The following NCDN variants were observed in gnomAD, a reference collection of about 807,000 sequenced individuals.
NCDN encodes the protein neurochondrin.
In NCDN, 9 loss-of-function variants were observed where a neutral mutation model predicts 60.7. That is an observed-to-expected ratio of 0.15 (90% CI 0.09 to 0.26). The LOEUF (loss-of-function observed/expected upper bound fraction) is 0.26. Among genes scored for constraint, NCDN ranks in the 10% least tolerant of loss-of-function variants. The pLI is 1.00. For missense variants in NCDN, 578 were observed against 975.2 expected, an observed-to-expected ratio of 0.59 and a Z score of 5.42; for synonymous variants, 409 against 442.5, an observed-to-expected ratio of 0.92 and a Z score of 0.95.
Position 35,560,944 on chromosome 1 carries a change from C to A in NCDN, c.793C>A (p.Leu265Met). Residue 265 changes from leucine to methionine, a missense_variant, in exon 3 of 7, where the codon CTG becomes ATG. Leu to Met is a conservative substitution (Grantham distance 15). This residue lies in a region of NCDN where 363 missense variants were observed against 583.6 expected (regional missense o/e 0.62). Transcript: ENST00000373243. This position sits in a 1 kb window ranked among gnomAD's most constrained non-coding sequence, Gnocchi z 7.6. ...PECYRDLQAGLARILGSKLSS... is the reference protein window; with the variant it reads ...PECYRDLQAGMARILGSKLSS... ...ATGCTACCGGGATCTGCAGGCCGGG[C>A]TGGCACGCATCCTGGGAAGCAAGCT... The A allele has an allele frequency of 6.2e-7, 1 of 1,613,078 alleles. No homozygotes were observed. Among genetic ancestry groups the A allele is most frequent in the Non-Finnish European group, 8.5e-7 (1 of 1,179,230 alleles).
At position 35,560,991 on chromosome 1, in the gene NCDN, T is replaced by C; in HGVS notation, c.840T>C (p.Pro280=). The C allele has an allele frequency of 1.2e-6, 2 of 1,612,700 alleles. No homozygotes were observed. Among genetic ancestry groups the C allele is most frequent in the Non-Finnish European group, 8.5e-7 (1 of 1,179,240 alleles). ...GSKLSSWQRN[P]ALKLAARLAH... ...AGCTGAGCTCCTGGCAGCGCAACCC[T>C]GCACTGAAGCTGGCAGCCCGCCTGG... The change falls in exon 3 of 7, where the codon CCT becomes CCC. Residue 280 remains proline, a synonymous_variant. Coordinates refer to ENST00000373243, the MANE Select transcript of NCDN (RefSeq NM_014284.3). The surrounding 1 kb of genome is among the most constrained non-coding windows in gnomAD (Gnocchi z 7.6).
rs778101207 is a variant in NCDN at position 35,561,331 on chromosome 1, G to C, written c.1143+37G>C. ...GTGACCCACAGAGGGGGCCCAGTAT[G>C]GGGGGAGCCAGTGCTGGAGCTGGGA... On this transcript the variant is annotated intron_variant, in intron 3 of 6. Transcript: ENST00000373243. This position sits in a 1 kb window ranked among gnomAD's most constrained non-coding sequence, Gnocchi z 4.9. The C allele has an allele frequency of 1.6e-5, 25 of 1,536,914 alleles. No individual in the cohort carries two copies. The highest frequency in any genetic ancestry group is 3.8e-5 in the Admixed American group (2 of 52,374).
In NCDN at chr1:35,565,916, G is replaced by A. The variant is rs1648859463; in HGVS notation, c.*253G>A. 1.0e-5 allele frequency: 5 copies of A among 501,668 alleles called. No homozygotes were observed. The South Asian group carries it at 1.2e-4, about 12-fold the overall frequency. The allele number at this position is 501,668 out of a possible 1,614,324, so 31.1% of individuals were successfully genotyped here. On this transcript the variant is annotated 3_prime_UTR_variant, in exon 7 of 7. Coordinates refer to ENST00000373243, the MANE Select transcript of NCDN (RefSeq NM_014284.3). The surrounding 1 kb of genome is among the most constrained non-coding windows in gnomAD (Gnocchi z 8.9). ...ACGTGGTTGTCCCCGCCAGGCCGGG[G>A]AAGGTTGGAGCAGCCCCCAGGGAGG...
At position 35,563,085 on chromosome 1, in the gene NCDN, G is replaced by A. The variant is rs1038626961; in HGVS notation, c.1386-117G>A. ...CTTGTACTTTTTCTGTGGTACCTGC[G>A]AGGATGTGTCCTTCTCCCCTACTTC... is the stretch of plus-strand genomic sequence containing the variant. On this transcript the variant is annotated intron_variant, in intron 4 of 6. Coordinates refer to ENST00000373243, the MANE Select transcript of NCDN (RefSeq NM_014284.3). This position sits in a 1 kb window ranked among gnomAD's most constrained non-coding sequence, Gnocchi z 6.6. 9.3e-6 allele frequency: 9 copies of A among 965,522 alleles called. No individual in the cohort carries two copies. Among genetic ancestry groups the A allele is most frequent in the African/African-American group, 3.3e-5 (2 of 60,620 alleles). 59.8% of individuals were successfully genotyped at this position (965,522 alleles called of 1,614,324 possible).
Position 35,562,488 on chromosome 1 carries a change from G to A in NCDN, c.1240G>A (p.Val414Met), listed in dbSNP as rs771157715. Reference sequence around the variant, plus strand: ...GGAGACCTCATCCTTGCGTAAGGAGGTGTGCCAGCTGCTGCCCTTCCTCGT... The same window carrying A: ...GGAGACCTCATCCTTGCGTAAGGAGATGTGCCAGCTGCTGCCCTTCCTCGT... ...AEETSSLRKEVCQLLPFLVRY... is the reference protein window; with the variant it reads ...AEETSSLRKEMCQLLPFLVRY... The change falls in exon 4 of 7, where the codon GTG becomes ATG. Residue 414 changes from valine (V) to methionine (M), a missense_variant. By Grantham distance (21) the Val-to-Met change is conservative. This residue lies in a region of NCDN where 363 missense variants were observed against 583.6 expected (regional missense o/e 0.62). Transcript: ENST00000373243. The surrounding 1 kb of genome is among the most constrained non-coding windows in gnomAD (Gnocchi z 6.8). The A allele has an allele frequency of 1.2e-6, 2 of 1,614,174 alleles. No individual in the cohort carries two copies. Among genetic ancestry groups the A allele is most frequent in the Non-Finnish European group, 1.7e-6 (2 of 1,180,024 alleles).
rs1648884644 is a variant in NCDN at position 35,566,623 on chromosome 1, G to C, written c.*960G>C. ...AGGGACTACCTTTCTTATAAACCCA[G>C]GGGGACCACACACACACACACACAC... On this transcript the variant is annotated 3_prime_UTR_variant, in exon 7 of 7. Coordinates refer to ENST00000373243, the MANE Select transcript of NCDN (RefSeq NM_014284.3). The surrounding 1 kb of genome is among the most constrained non-coding windows in gnomAD (Gnocchi z 5.3). 2 of 355,488 alleles carry C rather than the reference G, an allele frequency of 5.6e-6. No individual in the cohort carries two copies. Among genetic ancestry groups the C allele is most frequent in the Non-Finnish European group, 1.1e-5 (2 of 179,476 alleles). The allele number at this position is 355,488 out of a possible 1,614,324, so 22.0% of individuals were successfully genotyped here.
At position 35,565,359 on chromosome 1, in the gene NCDN, T is replaced by A; in HGVS notation, c.1886T>A (p.Ile629Asn). ...GCCCTGTCCCCTGAGTATGAGGGCATCTGGGCCGACCTGCAGGAGCTCTGG... is the reference window on the plus strand; with the variant it reads ...GCCCTGTCCCCTGAGTATGAGGGCAACTGGGCCGACCTGCAGGAGCTCTGG... ...VLALSPEYEG[I>N]WADLQELWFL... Residue 629 changes from isoleucine to asparagine, a missense_variant, in exon 7 of 7, where the codon ATC becomes AAC. Transcript: ENST00000373243. This position sits in a 1 kb window ranked among gnomAD's most constrained non-coding sequence, Gnocchi z 8.9. 1 of 1,613,714 alleles carries A rather than the reference T, an allele frequency of 6.2e-7. No individual in the cohort carries two copies. Among genetic ancestry groups the A allele is most frequent in the Non-Finnish European group, 8.5e-7 (1 of 1,179,748 alleles).
chr1:35,562,716 G>A lies in NCDN; in HGVS notation c.1385+83G>A. ...AAGGACACCCCTCCCCACAAACTGA[G>A]CTGTGCCAGGCTTCCTGATTGGGCC... On this transcript the variant is annotated intron_variant, in intron 4 of 6. Coordinates refer to ENST00000373243, the MANE Select transcript of NCDN (RefSeq NM_014284.3). The surrounding 1 kb of genome is among the most constrained non-coding windows in gnomAD (Gnocchi z 6.8). 1 of 1,482,464 alleles carries A rather than the reference G, an allele frequency of 6.7e-7. No individual in the cohort carries two copies. Among genetic ancestry groups the A allele is most frequent in the Non-Finnish European group, 9.0e-7 (1 of 1,110,348 alleles). The allele number at this position is 1,482,464 out of a possible 1,614,324, so 91.8% of individuals were successfully genotyped here. A position where few individuals can be genotyped will look rare whatever the true frequency, so the allele number is the denominator to read the frequency against.
chr1:35,560,350 G>A lies in NCDN; in HGVS notation c.199G>A (p.Asp67Asn). The A allele has an allele frequency of 6.2e-7, 1 of 1,613,782 alleles. No homozygotes were observed. The highest frequency in any genetic ancestry group is 8.5e-7 in the Non-Finnish European group (1 of 1,180,030). ...GGTGACCAAGGCAGTCAAAGCAGGTGACATAGATGCCAAAACTCGGCGGCG... is the reference window on the plus strand; with the variant it reads ...GGTGACCAAGGCAGTCAAAGCAGGTAACATAGATGCCAAAACTCGGCGGCG... ...LLVTKAVKAG[D>N]IDAKTRRRIF... The change falls in exon 3 of 7, where the codon GAC becomes AAC. Residue 67 changes from aspartate (D) to asparagine (N), a missense_variant. Transcript: ENST00000373243. This position sits in a 1 kb window ranked among gnomAD's most constrained non-coding sequence, Gnocchi z 7.6.
In NCDN at chr1:35,562,296, T is replaced by C. The variant is rs1291943655; in HGVS notation, c.1144-96T>C. On this transcript the variant is annotated intron_variant, in intron 3 of 6. Transcript: ENST00000373243. The surrounding 1 kb of genome is among the most constrained non-coding windows in gnomAD (Gnocchi z 6.8). ...CTTTGAAAGGCTCACAGGCCAGAAT[T>C]TCCTTCTAGTTGTATTATTTCTAGC... 1.3e-6 allele frequency: 2 copies of C among 1,527,428 alleles called. No individual in the cohort carries two copies. Among genetic ancestry groups the C allele is most frequent in the Non-Finnish European group, 1.8e-6 (2 of 1,130,664 alleles). The allele number at this position is 1,527,428 out of a possible 1,614,324, so 94.6% of individuals were successfully genotyped here.
Position 35,563,517 on chromosome 1 carries a change from C to A in NCDN, c.1610+91C>A. The A allele has an allele frequency of 1.4e-6, 2 of 1,399,334 alleles. No homozygotes were observed. The highest frequency in any genetic ancestry group is 9.9e-7 in the Non-Finnish European group (1 of 1,013,788). The allele number at this position is 1,399,334 out of a possible 1,614,324, so 86.7% of individuals were successfully genotyped here. A position where few individuals can be genotyped will look rare whatever the true frequency, so the allele number is the denominator to read the frequency against. Reference sequence around the variant, plus strand: ...AATTCTCAGTCTCCTACTTTGCCCCCCATGCCCATGGATTTGTTAGTGGTA... The same window carrying A: ...AATTCTCAGTCTCCTACTTTGCCCCACATGCCCATGGATTTGTTAGTGGTA... On this transcript the variant is annotated intron_variant, in intron 5 of 6. Transcript: ENST00000373243. This position sits in a 1 kb window ranked among gnomAD's most constrained non-coding sequence, Gnocchi z 6.6.
In NCDN at chr1:35,563,846, CT is replaced by C. The variant is rs746708014; in HGVS notation, c.1692del (p.Leu565TrpfsTer56). 4.3e-6 allele frequency: 7 copies of C among 1,614,030 alleles called. No homozygotes were observed. The highest frequency in any genetic ancestry group is 5.9e-6 in the Non-Finnish European group (7 of 1,180,038). On this transcript the variant is annotated frameshift_variant, in exon 6 of 7. Coordinates refer to ENST00000373243, the MANE Select transcript of NCDN (RefSeq NM_014284.3). LOFTEE classifies it high-confidence loss of function. The surrounding 1 kb of genome is among the most constrained non-coding windows in gnomAD (Gnocchi z 6.6). ...ACTAGTGCAGCAACAGGGAAGGCTG[CT>C]TCTGGCTGCTAATGTGGCCACCCTG... is the stretch of plus-strand genomic sequence containing the variant. Reference protein sequence around the residue: ...PALVQQQGRLLLAANVATLGL... With the variant: ...PALVQQQGRLXLAANVATLGL...
rs1162062783 is a variant in NCDN, at chr1:35,560,569, C to T, written c.418C>T (p.Arg140Trp). 10 of 1,613,306 alleles carry T rather than the reference C, an allele frequency of 6.2e-6. No individual in the cohort carries two copies. The highest frequency in any genetic ancestry group is 5.3e-5 in the African/African-American group (4 of 74,920). The change falls in exon 3 of 7, where the codon CGG becomes TGG. Residue 140 changes from arginine (R) to tryptophan (W), a missense_variant. By Grantham distance (101) the Arg-to-Trp change is moderately radical. Around this residue, in one of 3 missense-constraint regions of NCDN, gnomAD observed 363 missense variants for 583.6 expected, o/e 0.62. Coordinates refer to ENST00000373243, the MANE Select transcript of NCDN (RefSeq NM_014284.3). The surrounding 1 kb of genome is among the most constrained non-coding windows in gnomAD (Gnocchi z 7.6). Reference protein sequence around the residue: ...IPILSTFLTARGDPDDAARRS... With the variant: ...IPILSTFLTAWGDPDDAARRS... ...CATTCTTAGCACCTTCCTCACAGCC[C>T]GGGGGGACCCGGACGATGCTGCCCG...
In NCDN at chr1:35,566,629, C is replaced by CCACA. The variant is rs56974171; in HGVS notation, c.*1014_*1017dup. On this transcript the variant is annotated 3_prime_UTR_variant, in exon 7 of 7. Transcript: ENST00000373243. The surrounding 1 kb of genome is among the most constrained non-coding windows in gnomAD (Gnocchi z 5.3). ...TACCTTTCTTATAAACCCAGGGGGACCACACACACACACACACACACACAC... is the reference window on the plus strand; with the variant it reads ...TACCTTTCTTATAAACCCAGGGGGACCACACACACACACACACACACACACACAC... 9,941 of 269,736 alleles carry CCACA rather than the reference C, an allele frequency of 0.037. 168 individuals carry two copies. Among genetic ancestry groups the CCACA allele is most frequent in the Non-Finnish European group, 0.046 (6,091 of 131,810 alleles). 16.7% of individuals were successfully genotyped at this position (269,736 alleles called of 1,614,324 possible).
At chr1:35,559,296 GC>G in intron 2 of NCDN, 49 bp downstream of exon 2, 1 of 1,611,768 alleles carries the variant, frequency 6.2e-7, no homozygotes, top group Non-Finnish European at 8.5e-7. Context: ...GGGTGGTTGG[GC>G]CCCCAAGGAA....
chr1:35,562,463 G>A lies in NCDN; in HGVS notation c.1215G>A (p.Glu405=). ...SVRILGAWLA[E]ETSSLRKEVC... is the part of the protein sequence containing the mutation. ...GGATCCTGGGTGCCTGGCTGGCCGA[G>A]GAGACCTCATCCTTGCGTAAGGAGG... is the stretch of plus-strand genomic sequence containing the variant. The change falls in exon 4 of 7, where the codon GAG becomes GAA. Residue 405 remains glutamate, a synonymous_variant. Coordinates refer to ENST00000373243, the MANE Select transcript of NCDN (RefSeq NM_014284.3). This position sits in a 1 kb window ranked among gnomAD's most constrained non-coding sequence, Gnocchi z 6.8. The A allele has an allele frequency of 6.2e-7, 1 of 1,614,146 alleles. No homozygotes were observed. Among genetic ancestry groups the A allele is most frequent in the Non-Finnish European group, 8.5e-7 (1 of 1,180,026 alleles).
In NCDN at chr1:35,563,990, T is replaced by G; in HGVS notation, c.1753+81T>G. The G allele has an allele frequency of 2.0e-6, 3 of 1,469,018 alleles. No homozygotes were observed. Among genetic ancestry groups the G allele is most frequent in the Non-Finnish European group, 2.7e-6 (3 of 1,103,288 alleles). The allele number at this position is 1,469,018 out of a possible 1,614,324, so 91.0% of individuals were successfully genotyped here. ...CCTGTGTTTGGGGCAAAAGTCACCA[T>G]TTTTAGAAGATGGTTTTGCAGCATT... On this transcript the variant is annotated intron_variant, in intron 6 of 6. Transcript: ENST00000373243. This position sits in a 1 kb window ranked among gnomAD's most constrained non-coding sequence, Gnocchi z 6.6.
chr1:35,559,035 C>A, intron 1 of NCDN, 72 bp from the exon 2 acceptor site: 1 of 1,241,734 alleles, frequency 8.1e-7, no homozygotes, highest in South Asian at 1.3e-5. Flanking sequence ...TCCCTCCATC[C>A]TCCACTCTCA....
In NCDN at chr1:35,562,650, A is replaced by G. The variant is rs769459447; in HGVS notation, c.1385+17A>G. The G allele has an allele frequency of 6.2e-7, 1 of 1,606,418 alleles. No individual in the cohort carries two copies. Among genetic ancestry groups the G allele is most frequent in the Non-Finnish European group, 8.5e-7 (1 of 1,175,232 alleles). ...CGCTCTCCGGTGAGTCTGTAGTTAC[A>G]GTCTGTCCAGCTAGATCATTCTACC... On this transcript the variant is annotated intron_variant, in intron 4 of 6. Transcript: ENST00000373243. The surrounding 1 kb of genome is among the most constrained non-coding windows in gnomAD (Gnocchi z 6.8).
Sources: gnomAD v4.1 joint callset for allele counts on GRCh38, gnomAD v4.1.1 for gene constraint, gnomAD v4.1.1 regional missense constraint, Gnocchi (gnomAD v3.1) non-coding constraint, MANE v1.5 for transcripts, NCBI Gene and HGNC (gene_info 2026-07-23, HGNC 2026-07-21) for gene names.